TUSC3: variants seen among roughly 807,000 people sequenced by gnomAD.
TUSC3 encodes dolichyl-diphosphooligosaccharide--protein glycosyltransferase subunit TUSC3.
A neutral mutation model predicts 44.8 loss-of-function variants in TUSC3; 45 were observed. The observed-to-expected ratio is 1.00, with a 90% CI of 0.79 to 1.29. The LOEUF (loss-of-function observed/expected upper bound fraction) is 1.29. Ranked by LOEUF, TUSC3 falls within the 50% of genes most tolerant of loss-of-function variation. TUSC3 has a pLI of 0.00. For synonymous variants in TUSC3, 212 were observed against 152.9 expected (o/e 1.39, Z -2.85); for missense variants, 519 against 437.9 (o/e 1.19, Z -1.65).
intron 2 of TUSC3, among the ~76,000 whole-genome samples, chr8:15,503,669 A>T (rs1585068286): frequency 1.3e-5 from 2 of 151,982 alleles, no homozygotes; most frequent in South Asian, 2.1e-4. Flanking sequence ...GTACCACTCC[A>T]CTCCAGCCTG....
At chr8:15,587,196 C>T in intron 1 of TUSC3, among the ~76,000 whole-genome samples, 1 of 152,104 alleles carries the variant, frequency 6.6e-6, no homozygotes, top group South Asian at 2.1e-4. Context: ...CTAAATATGG[C>T]ACAGAACTGA....
intron 2 of TUSC3, among the ~76,000 whole-genome samples, chr8:15,517,530 A>G (rs1801235198): frequency 1.9e-5 from 1 of 51,300 alleles, no homozygotes; most frequent in African/African-American, 4.2e-5. Context: ...GGCAAAAAAA[A>G]AAAAAAAAAA....
intron 1 of TUSC3, among the ~76,000 whole-genome samples, chr8:15,450,551 T>A (rs1585050504): frequency 6.6e-6 from 1 of 152,050 alleles, no homozygotes; most frequent in East Asian, 1.9e-4. Flanking sequence ...CCACCTGTAA[T>A]CCTAGCTTTT....
At chr8:15,579,063 G>T (rs1803222290) in intron 1 of TUSC3, among the ~76,000 whole-genome samples, 1 of 152,022 alleles carries the variant, frequency 6.6e-6, no homozygotes, top group African/African-American at 2.4e-5. Flanking sequence ...ATGTGTTGAG[G>T]AATTTATCCA....
At chr8:15,727,092 G>C (rs903699823) in intron 6 of TUSC3, among the ~76,000 whole-genome samples, 1 of 152,108 alleles carries the variant, frequency 6.6e-6, no homozygotes, top group Non-Finnish European at 1.5e-5. Flanking sequence ...TCATGCTTTA[G>C]CTTTCAGGGA....
At chr8:15,431,568 GCTTGGCAAA>G (rs1799874078) in intron 1 of TUSC3, among the ~76,000 whole-genome samples, 1 of 150,856 alleles carries the variant, frequency 6.6e-6, no homozygotes, top group African/African-American at 2.5e-5. Flanking sequence ...ATTTAACAGT[GCTTGGCAAA>G]CTCTTTAGAG....
In TUSC3 at chr8:15,727,286, A is replaced by G. The variant is rs181702714; in HGVS notation, c.799-3380A>G. 2.5e-3 allele frequency among the ~76,000 whole-genome samples: 383 copies of G among 152,280 alleles called. 1 individual carries two copies. Among genetic ancestry groups the G allele is most frequent in the African/African-American group, 8.8e-3 (365 of 41,562 alleles). On this transcript the variant is annotated intron_variant, in intron 6 of 10. Coordinates refer to ENST00000503731, the MANE Select transcript of TUSC3 (RefSeq NM_006765.4). ...AAGGTCAATCCTTAAGACTTTTGCA[A>G]TACTTACTCATTGGTATTCTTGTGC...
the TUSC3 span, among the ~76,000 whole-genome samples, chr8:15,837,438 T>C: frequency 6.6e-6 from 1 of 152,204 alleles, no homozygotes; most frequent in African/African-American, 2.4e-5. Flanking sequence ...CTCATCTGCC[T>C]TTCTTCTGTA....
the TUSC3 span, among the ~76,000 whole-genome samples, chr8:15,805,158 T>C: frequency 2.0e-5 from 3 of 152,194 alleles, no homozygotes; most frequent in Non-Finnish European, 4.4e-5. Flanking sequence ...ATGGAAATGC[T>C]ACTGATTTTC....
intron 6 of TUSC3, among the ~76,000 whole-genome samples, chr8:15,696,641 G>A (rs574878086): frequency 1.8e-4 from 27 of 152,304 alleles, no homozygotes; most frequent in South Asian, 6.2e-4. Flanking sequence ...AAACCCACTT[G>A]ATCATCTGTT....
chr8:15,723,507 A>T (rs562957685), intron 6 of TUSC3, among the ~76,000 whole-genome samples: 5 of 152,280 alleles, frequency 3.3e-5, no homozygotes, highest in Non-Finnish European at 5.9e-5. Flanking sequence ...TGTCACCTGG[A>T]TGTAGATAAT....
At chr8:15,542,579 A>G (rs1156433084) in intron 1 of TUSC3, among the ~76,000 whole-genome samples, 2 of 152,132 alleles carry the variant, frequency 1.3e-5, no homozygotes, top group African/African-American at 4.8e-5. Flanking sequence ...GGAAAAAAAA[A>G]ATCTAAAAAG....
chr8:15,526,971 A>G (rs1563274636), intron 2 of TUSC3, among the ~76,000 whole-genome samples: 1 of 152,190 alleles, frequency 6.6e-6, no homozygotes, highest in African/African-American at 2.4e-5. Flanking sequence ...GATTAAGTGT[A>G]TTTTTTGTCA....
intron 2 of TUSC3, among the ~76,000 whole-genome samples, chr8:15,642,986 C>T (rs1806449894): frequency 6.6e-6 from 1 of 151,996 alleles, no homozygotes; most frequent in Non-Finnish European, 1.5e-5. Flanking sequence ...TTGACTGTGT[C>T]CCCACACAAA....
intron 3 of TUSC3, among the ~76,000 whole-genome samples, chr8:15,655,648 C>T (rs1807127105): frequency 6.6e-6 from 1 of 152,190 alleles, no homozygotes; most frequent in African/African-American, 2.4e-5. Context: ...TTGCCTCAGT[C>T]TCTAACTCTG....
intron 1 of TUSC3, among the ~76,000 whole-genome samples, chr8:15,575,642 C>T (rs1337506593): frequency 6.6e-6 from 1 of 152,014 alleles, no homozygotes; most frequent in East Asian, 1.9e-4. Flanking sequence ...TGGCGGGCAT[C>T]TATAATGCCA....
At chr8:15,700,615 A>G (rs1809355017) in intron 6 of TUSC3, among the ~76,000 whole-genome samples, 1 of 152,096 alleles carries the variant, frequency 6.6e-6, no homozygotes, top group Admixed American at 6.6e-5. Context: ...GTGTTGAGAA[A>G]TGAGGCTAGA....
chr8:15,473,924 G>C (rs969327608), intron 1 of TUSC3, among the ~76,000 whole-genome samples: 2 of 152,100 alleles, frequency 1.3e-5, no homozygotes, highest in African/African-American at 4.8e-5. Flanking sequence ...CCAGGGCGAG[G>C]TTTTTCTCCA....
intron 1 of TUSC3, among the ~76,000 whole-genome samples, chr8:15,428,603 C>A (rs1473189003): frequency 6.6e-6 from 1 of 152,148 alleles, no homozygotes; most frequent in African/African-American, 2.4e-5. Context: ...AAAAGTGTTC[C>A]TATTTCTCCA....
Sources: allele counts gnomAD v4.1 joint callset (sites outside exome capture counted in the v4.1 genomes callset), GRCh38; gene constraint gnomAD v4.1.1; transcripts MANE v1.5; gene names NCBI Gene and HGNC (gene_info 2026-07-23, HGNC 2026-07-21).